H2BC7: variants seen among roughly 807,000 people sequenced by gnomAD.
H2BC7 encodes the protein H2B clustered histone 7, also known as histone H2B type 1-C/E/F/G/I.
Under a neutral mutation model 6.0 loss-of-function variants are expected in H2BC7, and 15 were observed. That is an observed-to-expected ratio of 2.48 (90% confidence interval 1.66 to 3.82). H2BC7 has a LOEUF of 3.82. H2BC7 is among the 30% of genes most tolerant of loss of function. The pLI is 0.00. For synonymous variants in H2BC7, 148 were observed against 70.7 expected (o/e 2.09, Z -5.49); for missense variants, 227 against 169.4 (o/e 1.34, Z -1.89).
chr6:26,199,534 G>T lies in H2BC7; in HGVS notation c.-25G>T, dbSNP rs780474945. On this transcript the variant is annotated 5_prime_UTR_variant, in exon 1 of 1. Coordinates refer to ENST00000356530, the MANE Select transcript of H2BC7 (RefSeq NM_003522.4). Reference sequence around the variant, plus strand: ...TGAGGACACTTGCATTTCTCTTTAGGTTGTGGACGAAGTGTTTATTTATCA... The same window carrying T: ...TGAGGACACTTGCATTTCTCTTTAGTTTGTGGACGAAGTGTTTATTTATCA... The T allele has an allele frequency of 6.2e-7, 1 of 1,608,088 alleles. No homozygotes were observed. Among genetic ancestry groups the T allele is most frequent in the Non-Finnish European group, 8.5e-7 (1 of 1,178,104 alleles).
At position 26,199,738 on chromosome 6, in the gene H2BC7, G is replaced by T; in HGVS notation, c.180G>T (p.Met60Ile). ...HPDTGISSKA[M>I]GIMNSFVNDI... ...ACACCGGCATCTCATCCAAGGCCAT[G>T]GGCATCATGAACTCCTTCGTCAACG... The change falls in exon 1 of 1, where the codon ATG becomes ATT. Residue 60 changes from methionine to isoleucine, a missense_variant. Met to Ile is a conservative substitution (Grantham distance 10, BLOSUM62 1). Coordinates refer to ENST00000356530, the MANE Select transcript of H2BC7 (RefSeq NM_003522.4). 1 of 1,614,236 alleles carries T rather than the reference G, an allele frequency of 6.2e-7. No individual in the cohort carries two copies.
At position 26,199,612 on chromosome 6, in the gene H2BC7, G is replaced by T. The variant is rs760915118; in HGVS notation, c.54G>T (p.Ala18=). ...CTCCAAAAAAGGGCTCCAAAAAGGC[G>T]GTGACCAAGGCGCAGAAGAAGGATG... ...APAPKKGSKK[A]VTKAQKKDGK... is the part of the protein sequence containing the mutation. Residue 18 remains alanine (A), a synonymous_variant, in exon 1 of 1, where the codon GCG becomes GCT. Transcript: ENST00000356530. The T allele has an allele frequency of 6.2e-7, 1 of 1,614,214 alleles. No homozygotes were observed.
chr6:26,199,796 C>T lies in H2BC7; in HGVS notation c.238C>T (p.Arg80Cys), dbSNP rs143761580. The change falls in exon 1 of 1, where the codon CGC becomes TGC. Residue 80 changes from arginine to cysteine, a missense_variant. Physicochemically the swap from Arg to Cys is radical, Grantham distance 180. Coordinates refer to ENST00000356530, the MANE Select transcript of H2BC7 (RefSeq NM_003522.4). ...CGAGCGCATCGCTGGCGAGGCTTCC[C>T]GCCTGGCGCATTACAACAAGCGCTC... is the stretch of plus-strand genomic sequence containing the variant. ...IFERIAGEAS[R>C]LAHYNKRSTI... The T allele has an allele frequency of 3.0e-5, 49 of 1,614,250 alleles. No homozygotes were observed. In the African/African-American group the frequency reaches 4.5e-4, roughly 15 times the overall value.
In H2BC7 at chr6:26,199,927, C is replaced by T. The variant is rs760567269; in HGVS notation, c.369C>T (p.Thr123=). Residue 123 remains threonine, a synonymous_variant, in exon 1 of 1, where the codon ACC becomes ACT. Transcript: ENST00000356530. ...GCACCAAGGCCGTCACCAAGTACACCAGCTCTAAGTAATTCTAACGTCTTC... is the reference window on the plus strand; with the variant it reads ...GCACCAAGGCCGTCACCAAGTACACTAGCTCTAAGTAATTCTAACGTCTTC... The part of the protein sequence containing the change: ...SEGTKAVTKY[T]SSK The T allele has an allele frequency of 2.5e-6, 4 of 1,614,208 alleles. No individual in the cohort carries two copies. The highest frequency in any genetic ancestry group is 1.1e-5 in the South Asian group (1 of 91,084).
In H2BC7 at chr6:26,199,651, G is replaced by C. The variant is rs1375888797; in HGVS notation, c.93G>C (p.Lys31Asn). Residue 31 changes from lysine to asparagine, a missense_variant, in exon 1 of 1, where the codon AAG (lysine) becomes AAC (asparagine). Transcript: ENST00000356530. ...AGAAGAAGGATGGTAAGAAGCGCAA[G>C]CGTAGCCGCAAGGAGAGCTATTCCG... is the stretch of plus-strand genomic sequence containing the variant. ...KAQKKDGKKR[K>N]RSRKESYSVY... The C allele has an allele frequency of 1.2e-6, 2 of 1,614,152 alleles. No homozygotes were observed. The highest frequency in any genetic ancestry group is 1.7e-6 in the Non-Finnish European group (2 of 1,180,050).
At position 26,199,852 on chromosome 6, in the gene H2BC7, C is replaced by G; in HGVS notation, c.294C>G (p.Ala98=). The change falls in exon 1 of 1, where the codon GCC becomes GCG. Residue 98 remains alanine, a synonymous_variant. Transcript: ENST00000356530. ...STITSREIQT[A]VRLLLPGELA... The stretch of plus-strand genomic sequence containing the variant: ...TCACCTCCAGGGAGATCCAGACGGC[C>G]GTACGCCTGCTGCTGCCCGGGGAGC... 6.2e-7 allele frequency: 1 copy of G among 1,614,184 alleles called. No homozygotes were observed. Among genetic ancestry groups the G allele is most frequent in the Non-Finnish European group, 8.5e-7 (1 of 1,180,018 alleles).
Position 26,199,804 on chromosome 6 carries a change from G to A in H2BC7, c.246G>A (p.Ala82=). The change falls in exon 1 of 1, where the codon GCG becomes GCA. Residue 82 remains alanine (A), a synonymous_variant. Transcript: ENST00000356530. ...TCGCTGGCGAGGCTTCCCGCCTGGC[G>A]CATTACAACAAGCGCTCCACCATCA... ...ERIAGEASRL[A]HYNKRSTITS... The A allele has an allele frequency of 1.9e-6, 3 of 1,614,234 alleles. No homozygotes were observed. Among genetic ancestry groups the A allele is most frequent in the Non-Finnish European group, 2.5e-6 (3 of 1,180,044 alleles).
At position 26,199,725 on chromosome 6, in the gene H2BC7, C is replaced by G; in HGVS notation, c.167C>G (p.Ser56Ter). 1 of 1,614,258 alleles carries G rather than the reference C, an allele frequency of 6.2e-7. No homozygotes were observed. The highest frequency in any genetic ancestry group is 8.5e-7 in the Non-Finnish European group (1 of 1,180,050). ...CAGGTCCACCCCGACACCGGCATCT[C>G]ATCCAAGGCCATGGGCATCATGAAC... ...LKQVHPDTGI[S>*]SKAMGIMNSF... Residue 56 changes from serine to a stop codon, truncating the protein, a stop_gained, in exon 1 of 1, where the codon TCA (serine) becomes TGA (stop). Transcript: ENST00000356530. LOFTEE classifies it high-confidence loss of function.
rs77481736 is a variant in H2BC7, at chr6:26,199,877, C to G, written c.319C>G (p.Leu107Val). The G allele has an allele frequency of 6.2e-7, 1 of 1,614,228 alleles. No individual in the cohort carries two copies. Reference sequence around the variant, plus strand: ...CGTACGCCTGCTGCTGCCCGGGGAGCTGGCTAAGCACGCCGTGTCAGAGGG... The same window carrying G: ...CGTACGCCTGCTGCTGCCCGGGGAGGTGGCTAAGCACGCCGTGTCAGAGGG... ...TAVRLLLPGE[L>V]AKHAVSEGTK... The change falls in exon 1 of 1, where the codon CTG becomes GTG. Residue 107 changes from leucine to valine, a missense_variant. By Grantham distance (32) the Leu-to-Val change is conservative (BLOSUM62 1). Transcript: ENST00000356530.
At position 26,199,651 on chromosome 6, in the gene H2BC7, G is replaced by A. The variant is rs1375888797; in HGVS notation, c.93G>A (p.Lys31=). 6.2e-7 allele frequency: 1 copy of A among 1,614,270 alleles called. No homozygotes were observed. ...AGAAGAAGGATGGTAAGAAGCGCAA[G>A]CGTAGCCGCAAGGAGAGCTATTCCG... The part of the protein sequence containing the change: ...KAQKKDGKKR[K]RSRKESYSVY... The change falls in exon 1 of 1, where the codon AAG becomes AAA. Residue 31 remains lysine, a synonymous_variant. Coordinates refer to ENST00000356530, the MANE Select transcript of H2BC7 (RefSeq NM_003522.4).
chr6:26,199,582 T>C lies in H2BC7; in HGVS notation c.24T>C (p.Ala8=). 6.2e-7 allele frequency: 1 copy of C among 1,614,098 alleles called. No homozygotes were observed. The highest frequency in any genetic ancestry group is 8.5e-7 in the Non-Finnish European group (1 of 1,180,030). MPEPAKS[A]PAPKKGSKKA... ...TCATGCCTGAACCTGCTAAGTCCGC[T>C]CCTGCTCCAAAAAAGGGCTCCAAAA... is the stretch of plus-strand genomic sequence containing the variant. Residue 8 remains alanine, a synonymous_variant, in exon 1 of 1, where the codon GCT becomes GCC. Coordinates refer to ENST00000356530, the MANE Select transcript of H2BC7 (RefSeq NM_003522.4).
At position 26,199,815 on chromosome 6, in the gene H2BC7, A is replaced by G. The variant is rs151100683; in HGVS notation, c.257A>G (p.Lys86Arg). 7.9e-5 allele frequency: 127 copies of G among 1,614,114 alleles called. No homozygotes were observed. In the Admixed American group the frequency reaches 2.1e-3, roughly 26 times the overall value. Residue 86 changes from lysine to arginine, a missense_variant, in exon 1 of 1, where the codon AAG (lysine) becomes AGG (arginine). Transcript: ENST00000356530. ...GEASRLAHYN[K>R]RSTITSREIQ... ...GCTTCCCGCCTGGCGCATTACAACA[A>G]GCGCTCCACCATCACCTCCAGGGAG...
In H2BC7 at chr6:26,199,952, C is replaced by G; in HGVS notation, c.*13C>G. On this transcript the variant is annotated 3_prime_UTR_variant, in exon 1 of 1. Coordinates refer to ENST00000356530, the MANE Select transcript of H2BC7 (RefSeq NM_003522.4). The stretch of plus-strand genomic sequence containing the variant: ...CAGCTCTAAGTAATTCTAACGTCTT[C>G]ATACCCAATCCCAAAGGCTCTTTTA... 1 of 1,613,450 alleles carries G rather than the reference C, an allele frequency of 6.2e-7. No individual in the cohort carries two copies.
rs772306298 is a variant in H2BC7, at chr6:26,199,625, CAGA to C, written c.73_75del (p.Lys25del). ...CTCCAAAAAGGCGGTGACCAAGGCG[CAGA>C]AGAAGGATGGTAAGAAGCGCAAGCG... On this transcript the variant is annotated inframe_deletion, in exon 1 of 1. Transcript: ENST00000356530. 2.8e-5 allele frequency: 45 copies of C among 1,614,122 alleles called. No individual in the cohort carries two copies. Among genetic ancestry groups the C allele is most frequent in the Non-Finnish European group, 3.6e-5 (42 of 1,180,044 alleles).
rs765011860 is a variant in H2BC7, at chr6:26,199,772, G to C, written c.214G>C (p.Glu72Gln). 11 of 1,614,210 alleles carry C rather than the reference G, an allele frequency of 6.8e-6. No individual in the cohort carries two copies. In the Admixed American group the frequency reaches 1.8e-4, roughly 27 times the overall value. Reference sequence around the variant, plus strand: ...GAACTCCTTCGTCAACGATATCTTCGAGCGCATCGCTGGCGAGGCTTCCCG... The same window carrying C: ...GAACTCCTTCGTCAACGATATCTTCCAGCGCATCGCTGGCGAGGCTTCCCG... ...IMNSFVNDIFERIAGEASRLA... is the reference protein window; with the variant it reads ...IMNSFVNDIFQRIAGEASRLA... Residue 72 changes from glutamate to glutamine, a missense_variant, in exon 1 of 1, where the codon GAG becomes CAG. Physicochemically the swap from Glu to Gln is conservative, Grantham distance 29. Coordinates refer to ENST00000356530, the MANE Select transcript of H2BC7 (RefSeq NM_003522.4).
Position 26,199,972 on chromosome 6 carries a change from C to CT in H2BC7, c.*37dup, listed in dbSNP as rs760076011. 1.2e-6 allele frequency: 2 copies of CT among 1,605,594 alleles called. No individual in the cohort carries two copies. Among genetic ancestry groups the CT allele is most frequent in the Non-Finnish European group, 1.7e-6 (2 of 1,176,986 alleles). On this transcript the variant is annotated 3_prime_UTR_variant, in exon 1 of 1. Transcript: ENST00000356530. ...GTCTTCATACCCAATCCCAAAGGCT[C>CT]TTTTAAGAGCCACCCACTTTTTCAG...
rs1765086039 is a variant in H2BC7 at position 26,199,653 on chromosome 6, GT to G, written c.96del (p.Ser33AlafsTer14). On this transcript the variant is annotated frameshift_variant, in exon 1 of 1. Coordinates refer to ENST00000356530, the MANE Select transcript of H2BC7 (RefSeq NM_003522.4). LOFTEE classifies it high-confidence loss of function. ...AQKKDGKKRKRSRKESYSVYV... is the reference protein window; with the variant it reads ...AQKKDGKKRKXSRKESYSVYV... Reference sequence around the variant, plus strand: ...AAGAAGGATGGTAAGAAGCGCAAGCGTAGCCGCAAGGAGAGCTATTCCGTGT... The same window carrying G: ...AAGAAGGATGGTAAGAAGCGCAAGCGAGCCGCAAGGAGAGCTATTCCGTGT... The G allele has an allele frequency of 6.2e-7, 1 of 1,614,134 alleles. No homozygotes were observed.
Position 26,199,580 on chromosome 6 carries a change from G to T in H2BC7, c.22G>T (p.Ala8Ser). 7 of 1,614,070 alleles carry T rather than the reference G, an allele frequency of 4.3e-6. No homozygotes were observed. Among genetic ancestry groups the T allele is most frequent in the Non-Finnish European group, 5.9e-6 (7 of 1,180,012 alleles). The part of the protein sequence containing the change: MPEPAKS[A>S]PAPKKGSKKA... Reference sequence around the variant, plus strand: ...TATCATGCCTGAACCTGCTAAGTCCGCTCCTGCTCCAAAAAAGGGCTCCAA... The same window carrying T: ...TATCATGCCTGAACCTGCTAAGTCCTCTCCTGCTCCAAAAAAGGGCTCCAA... Residue 8 changes from alanine (A) to serine (S), a missense_variant, in exon 1 of 1, where the codon GCT becomes TCT. Coordinates refer to ENST00000356530, the MANE Select transcript of H2BC7 (RefSeq NM_003522.4).
At position 26,199,577 on chromosome 6, in the gene H2BC7, T is replaced by G; in HGVS notation, c.19T>G (p.Ser7Ala). MPEPAK[S>A]APAPKKGSKK... ...ATTTATCATGCCTGAACCTGCTAAG[T>G]CCGCTCCTGCTCCAAAAAAGGGCTC... The change falls in exon 1 of 1, where the codon TCC becomes GCC. Residue 7 changes from serine to alanine, a missense_variant. Transcript: ENST00000356530. The G allele has an allele frequency of 1.2e-6, 2 of 1,614,140 alleles. No homozygotes were observed. The highest frequency in any genetic ancestry group is 1.7e-6 in the Non-Finnish European group (2 of 1,180,038).
Sources: allele counts gnomAD v4.1 joint callset, GRCh38; gene constraint gnomAD v4.1.1; transcripts MANE v1.5; gene names NCBI Gene and HGNC (gene_info 2026-07-23, HGNC 2026-07-21).